HS3ST3B1: variants seen among roughly 807,000 people sequenced by gnomAD.
The protein encoded by HS3ST3B1 is heparan sulfate glucosamine 3-O-sulfotransferase 3B1.
Under a neutral mutation model 21.3 loss-of-function variants are expected in HS3ST3B1, and 13 were observed. The observed-to-expected ratio is 0.61, with a 90% CI of 0.40 to 0.97. HS3ST3B1 has a LOEUF of 0.97. HS3ST3B1 is among the 50% of genes least tolerant of loss of function. The pLI is 0.00. For missense variants in HS3ST3B1, 459 were observed against 554.8 expected (o/e 0.83, Z 1.73); for synonymous variants, 234 against 254.8 (o/e 0.92, Z 0.78).
intron 1 of HS3ST3B1, among the ~76,000 whole-genome samples, chr17:14,321,561 G>A (rs1426870758): frequency 6.6e-6 from 1 of 152,186 alleles, no homozygotes; most frequent in Non-Finnish European, 1.5e-5. Flanking sequence ...AAAGCACATT[G>A]TGAAATTCCA....
intron 1 of HS3ST3B1, among the ~76,000 whole-genome samples, chr17:14,321,579 C>G (rs572278798): frequency 6.6e-6 from 1 of 152,248 alleles, no homozygotes; most frequent in East Asian, 1.9e-4. Context: ...CCAGTTCTTT[C>G]CAGCTGGGTT....
At chr17:14,316,531 A>G (rs1281360204) in intron 1 of HS3ST3B1, among the ~76,000 whole-genome samples, 1 of 151,936 alleles carries the variant, frequency 6.6e-6, no homozygotes, top group African/African-American at 2.4e-5. Context: ...GGAAAAGGTG[A>G]AGCTTTTTTC....
chr17:14,332,392 C>T (rs914840657), intron 1 of HS3ST3B1, among the ~76,000 whole-genome samples: 4 of 151,326 alleles, frequency 2.6e-5, no homozygotes, highest in Non-Finnish European at 4.4e-5. Flanking sequence ...TACCAGATGC[C>T]CTCCCCCCAT....
intron 1 of HS3ST3B1, among the ~76,000 whole-genome samples, chr17:14,335,705 A>G (rs1910167255): frequency 1.3e-5 from 2 of 152,108 alleles, no homozygotes; most frequent in South Asian, 4.1e-4. Context: ...AAAAAAAAAA[A>G]GGAAAAAAAA....
rs1399477860 is a variant in HS3ST3B1, at chr17:14,345,378, G to A, written c.905G>A (p.Ser302Asn). ...MLFVSGERLI[S>N]DPAGELGRVQ... The stretch of plus-strand genomic sequence containing the variant: ...TTCGTGAGCGGCGAGCGGCTCATCA[G>A]CGACCCGGCCGGGGAGCTGGGCCGC... The change falls in exon 2 of 2, where the codon AGC becomes AAC. Residue 302 changes from serine (S) to asparagine (N), a missense_variant. Transcript: ENST00000360954. 1 of 1,162,946 alleles carries A rather than the reference G, an allele frequency of 8.6e-7. No individual in the cohort carries two copies. The highest frequency in any genetic ancestry group is 1.2e-6 in the Non-Finnish European group (1 of 818,554). 72.0% of individuals were successfully genotyped at this position (1,162,946 alleles called of 1,614,324 possible).
intron 1 of HS3ST3B1, among the ~76,000 whole-genome samples, chr17:14,312,922 A>G (rs1341841955): frequency 1.5e-5 from 2 of 133,790 alleles, no homozygotes; most frequent in African/African-American, 5.6e-5. Flanking sequence ...TTTTTTTTCC[A>G]GAGACAGAGT....
In HS3ST3B1 at chr17:14,347,810, T is replaced by C. The variant is rs1452128390; in HGVS notation, c.*2164T>C. ...TTTCTCCCTGTTCTCCAATGTTTTA[T>C]CCATTTCGTAGCTTTTTTACTGTCT... On this transcript the variant is annotated 3_prime_UTR_variant, in exon 2 of 2. Coordinates refer to ENST00000360954, the MANE Select transcript of HS3ST3B1 (RefSeq NM_006041.3). The C allele has an allele frequency of 6.6e-6, 1 of 152,206 alleles. No homozygotes were observed. Among genetic ancestry groups the C allele is most frequent in the African/African-American group, 2.4e-5 (1 of 41,444 alleles). The allele number at this position is 152,206 out of a possible 1,614,324, so 9.4% of individuals were successfully genotyped here. A position where few individuals can be genotyped will look rare whatever the true frequency, so the allele number is the denominator to read the frequency against.
chr17:14,325,418 A>G (rs975617936), intron 1 of HS3ST3B1, among the ~76,000 whole-genome samples: 3 of 152,256 alleles, frequency 2.0e-5, no homozygotes, highest in Admixed American at 1.3e-4. Flanking sequence ...ATTAACAAAT[A>G]GATGAGAAAC....
chr17:14,324,806 T>A (rs1377174943), intron 1 of HS3ST3B1, among the ~76,000 whole-genome samples: 1 of 152,044 alleles, frequency 6.6e-6, no homozygotes, highest in East Asian at 1.9e-4. Flanking sequence ...AGAGATAGGG[T>A]CTCCACTGTG....
At chr17:14,313,124 G>GTGTGTATATATATATACATATA (rs1567637231) in intron 1 of HS3ST3B1, among the ~76,000 whole-genome samples, 1 of 128,798 alleles carries the variant, frequency 7.8e-6, no homozygotes, top group Non-Finnish European at 1.6e-5. Flanking sequence ...ATATATATAT[G>GTGTGTATATATATATACATATA]TGTGTGTGTG....
In HS3ST3B1 at chr17:14,315,277, G is replaced by A. The variant is rs539377414; in HGVS notation, c.554+13205G>A. Among the ~76,000 whole-genome samples the A allele has an allele frequency of 7.9e-5, 12 of 152,290 alleles. No homozygotes were observed. The South Asian group carries it at 2.3e-3, about 29-fold the overall frequency. ...CCACGTTTTCCCCCAATGCACTGTGGCTCAATATGTTGTCCTATTGCATGT... is the reference window on the plus strand; with the variant it reads ...CCACGTTTTCCCCCAATGCACTGTGACTCAATATGTTGTCCTATTGCATGT... On this transcript the variant is annotated intron_variant, in intron 1 of 1. Coordinates refer to ENST00000360954, the MANE Select transcript of HS3ST3B1 (RefSeq NM_006041.3).
At chr17:14,308,735 C>T (rs1909208673) in intron 1 of HS3ST3B1, among the ~76,000 whole-genome samples, 1 of 152,160 alleles carries the variant, frequency 6.6e-6, no homozygotes, top group Non-Finnish European at 1.5e-5. Context: ...TGTGTTTCAG[C>T]CCAGACTCTC....
chr17:14,305,350 C>T (rs1196649907), intron 1 of HS3ST3B1: 1 of 152,224 alleles, frequency 6.6e-6, no homozygotes, highest in African/African-American at 2.4e-5. Context: ...GTGTTACTTC[C>T]TGTTCCATGG....
rs62056073 is a variant in HS3ST3B1, at chr17:14,345,059, A to G, written c.586A>G (p.Ile196Val). ...GATGCCCAGAACCCTGGACGGGCAG[A>G]TCACCATGGAGAAGACGCCCAGTTA... ...DLMPRTLDGQ[I>V]TMEKTPSYFV... The change falls in exon 2 of 2, where the codon ATC becomes GTC. Residue 196 changes from isoleucine to valine, a missense_variant. Transcript: ENST00000360954. The G allele has an allele frequency of 0.024, 38,619 of 1,587,252 alleles. 566 individuals carry two copies. Among genetic ancestry groups the G allele is most frequent in the South Asian group, 0.043 (3,682 of 86,476 alleles).
chr17:14,335,449 C>G (rs1003707348), intron 1 of HS3ST3B1, among the ~76,000 whole-genome samples: 4 of 151,966 alleles, frequency 2.6e-5, no homozygotes, highest in Non-Finnish European at 5.9e-5. Flanking sequence ...AATCCCAACA[C>G]TTTGGGAGGC....
intron 1 of HS3ST3B1, among the ~76,000 whole-genome samples, chr17:14,331,612 C>A (rs1054844571): frequency 6.6e-6 from 1 of 152,074 alleles, no homozygotes; most frequent in Non-Finnish European, 1.5e-5. Context: ...TACCCATTAC[C>A]TTTAAAACAT....
At chr17:14,329,252 T>C (rs1345683865) in intron 1 of HS3ST3B1, 1 of 151,356 alleles carries the variant, frequency 6.6e-6, no homozygotes, top group Admixed American at 6.6e-5. Flanking sequence ...AAACTGGGGC[T>C]GTTTCTCTCC....
At chr17:14,324,076 C>T (rs1034422965) in intron 1 of HS3ST3B1, among the ~76,000 whole-genome samples, 1 of 152,150 alleles carries the variant, frequency 6.6e-6, no homozygotes, top group Non-Finnish European at 1.5e-5. Context: ...TTCGTCTGCC[C>T]AGAATGAGCC....
In HS3ST3B1 at chr17:14,301,666, T is replaced by A; in HGVS notation, c.148T>A (p.Ser50Thr). Residue 50 changes from serine to threonine, a missense_variant, in exon 1 of 2, where the codon TCG becomes ACG. Physicochemically the swap from Ser to Thr is moderately conservative, Grantham distance 58. This residue lies in a region of HS3ST3B1 where 317 missense variants were observed against 278.6 expected (regional missense o/e 1.14). Coordinates refer to ENST00000360954, the MANE Select transcript of HS3ST3B1 (RefSeq NM_006041.3). ...CGTCTGGCTCTATATGTTCCTGTAC[T>A]CGTGCGCCGGCTCCTGCGCCGCCGC... Reference protein sequence around the residue: ...LCVWLYMFLYSCAGSCAAAPG... With the variant: ...LCVWLYMFLYTCAGSCAAAPG... 6.2e-7 allele frequency: 1 copy of A among 1,603,472 alleles called. No homozygotes were observed. Among genetic ancestry groups the A allele is most frequent in the Non-Finnish European group, 8.5e-7 (1 of 1,176,800 alleles).
Sources: allele counts gnomAD v4.1 joint callset (sites outside exome capture counted in the v4.1 genomes callset), GRCh38; gene constraint gnomAD v4.1.1; regional missense constraint gnomAD v4.1.1; transcripts MANE v1.5; gene names NCBI Gene and HGNC (gene_info 2026-07-23, HGNC 2026-07-21).